Variants in TRAPPC8 observed in about 807,000 individuals in gnomAD.
TRAPPC8 encodes the protein general sporulation gene 1 homolog.
TRAPPC8 carries 54 observed loss-of-function variants against 174.3 expected under a neutral mutation model. The observed-to-expected ratio is 0.31, with a 90% CI of 0.25 to 0.39. The LOEUF (loss-of-function observed/expected upper bound fraction) is 0.39. Among genes scored for constraint, TRAPPC8 ranks in the 10% least tolerant of loss-of-function variants. TRAPPC8 has a pLI of 1.00. For missense variants in TRAPPC8, 1,531 were observed against 1,699.1 expected, an observed-to-expected ratio of 0.90 and a Z score of 1.74; for synonymous variants, 630 against 579.9, an observed-to-expected ratio of 1.09 and a Z score of -1.24.
chr18:31,873,550 A>G lies in TRAPPC8; in HGVS notation c.1954-12T>C, dbSNP rs139744319. ...AGCTGACTTACATTCTGAGAGAAAT[A>G]TAAAAGGGAAAAAAAGTAGTTTTTG... On this transcript the variant is annotated splice_polypyrimidine_tract_variant and intron_variant, in intron 13 of 28. Transcript: ENST00000283351. 277 of 1,587,290 alleles carry G rather than the reference A, an allele frequency of 1.7e-4. No homozygotes were observed. In the African/African-American group the frequency reaches 3.5e-3, roughly 20 times the overall value.
intron 16 of TRAPPC8, 64 bp downstream of exon 16, chr18:31,870,308 T>C: frequency 1.4e-6 from 2 of 1,456,822 alleles, no homozygotes; most frequent in African/African-American, 2.8e-5. Flanking sequence ...TACATTGAAA[T>C]GTTACTACAG....
intron 12 of TRAPPC8, among the ~76,000 whole-genome samples, chr18:31,888,009 A>T (rs2035797252): frequency 6.6e-6 from 1 of 152,186 alleles, no homozygotes; most frequent in Non-Finnish European, 1.5e-5. Context: ...AAATCTCAGG[A>T]TACAAAATCA....
intron 26 of TRAPPC8, among the ~76,000 whole-genome samples, chr18:31,841,042 A>T (rs994314535): frequency 6.6e-6 from 1 of 152,212 alleles, no homozygotes; most frequent in Non-Finnish European, 1.5e-5. Context: ...CAAAATATGT[A>T]AAAAGCAAAA....
intron 27 of TRAPPC8, among the ~76,000 whole-genome samples, chr18:31,834,177 T>G (rs2032570772): frequency 6.6e-6 from 1 of 151,976 alleles, no homozygotes; most frequent in Non-Finnish European, 1.5e-5. Flanking sequence ...TGGCACGATC[T>G]TGGCTCACTG....
At chr18:31,938,751 C>T (rs1489090208) in intron 1 of TRAPPC8, among the ~76,000 whole-genome samples, 1 of 152,096 alleles carries the variant, frequency 6.6e-6, no homozygotes, top group Non-Finnish European at 1.5e-5. Context: ...TCTTAAATTA[C>T]ATTGCCTGAA....
intron 1 of TRAPPC8, among the ~76,000 whole-genome samples, chr18:31,941,341 G>T (rs1331966777): frequency 6.6e-6 from 1 of 152,186 alleles, no homozygotes; most frequent in African/African-American, 2.4e-5. Flanking sequence ...TACTCAGAAG[G>T]CTGAGGCAGG....
intron 12 of TRAPPC8, among the ~76,000 whole-genome samples, chr18:31,882,253 C>T (rs541904843): frequency 6.6e-6 from 1 of 152,242 alleles, no homozygotes. Flanking sequence ...TACATACACA[C>T]CATGGAATAT....
Position 31,908,780 on chromosome 18 carries a change from T to C in TRAPPC8, c.1096A>G (p.Lys366Glu). The stretch of plus-strand genomic sequence containing the variant: ...TGATCGTTTAATTGCCTAATTGTTT[T>C]CTCTATATGTGGCAAAAGGCCCCGA... ...TFRGLLPHIE[K>E]TIRQLNDQLI... Residue 366 changes from lysine to glutamate, a missense_variant, in exon 7 of 29, where the codon AAA (lysine) becomes GAA (glutamate). Physicochemically the swap from Lys to Glu is moderately conservative, Grantham distance 56. Coordinates refer to ENST00000283351, the MANE Select transcript of TRAPPC8 (RefSeq NM_014939.5). 6.2e-7 allele frequency: 1 copy of C among 1,604,954 alleles called. No homozygotes were observed. The highest frequency in any genetic ancestry group is 8.5e-7 in the Non-Finnish European group (1 of 1,174,224).
chr18:31,867,320 A>C lies in TRAPPC8; in HGVS notation c.2463+82T>G. ...TCTTAAGAAAACTAGAATATAAAAT[A>C]AACTGAATAAAGATTATTTAAAAAT... On this transcript the variant is annotated intron_variant, in intron 17 of 28. Coordinates refer to ENST00000283351, the MANE Select transcript of TRAPPC8 (RefSeq NM_014939.5). 3 of 1,000,330 alleles carry C rather than the reference A, an allele frequency of 3.0e-6. No individual in the cohort carries two copies. The South Asian group carries it at 4.5e-5, about 15-fold the overall frequency. The allele number at this position is 1,000,330 out of a possible 1,614,324, so 62.0% of individuals were successfully genotyped here. A position where few individuals can be genotyped will look rare whatever the true frequency, so the allele number is the denominator to read the frequency against.
At chr18:31,868,337 G>A (rs2034684234) in intron 16 of TRAPPC8, among the ~76,000 whole-genome samples, 1 of 152,100 alleles carries the variant, frequency 6.6e-6, no homozygotes, top group South Asian at 2.1e-4. Context: ...TCTTAGTCAT[G>A]AAAAAATCCA....
At position 31,942,747 on chromosome 18, in the gene TRAPPC8, T is replaced by C. The variant is rs775065074; in HGVS notation, c.18A>G (p.Gln6=). ...AGTCCGGGATTAGCTCCTGCACTGA[T>C]TGTACACACTGGGCCATCGCCGCAG... MAQCV[Q]SVQELIPDSF... is the part of the protein sequence containing the mutation. Residue 6 remains glutamine, a synonymous_variant, in exon 1 of 29, where the codon CAA becomes CAG. Coordinates refer to ENST00000283351, the MANE Select transcript of TRAPPC8 (RefSeq NM_014939.5). 6 of 1,552,164 alleles carry C rather than the reference T, an allele frequency of 3.9e-6. No individual in the cohort carries two copies. Among genetic ancestry groups the C allele is most frequent in the African/African-American group, 1.4e-5 (1 of 71,426 alleles).
intron 14 of TRAPPC8, among the ~76,000 whole-genome samples, chr18:31,873,007 C>CTTTTTTTTT (rs59209328): frequency 2.1e-4 from 16 of 74,600 alleles, no homozygotes; most frequent in African/African-American, 8.9e-4. Context: ...ATTCATTTTC[C>CTTTTTTTTT]TTTTTTTTTT....
chr18:31,907,198 G>A (rs1333231522), intron 9 of TRAPPC8, among the ~76,000 whole-genome samples: 4 of 151,892 alleles, frequency 2.6e-5, no homozygotes, highest in Non-Finnish European at 4.4e-5. Flanking sequence ...GCTCAGGCTG[G>A]TCTCAAACGC....
intron 12 of TRAPPC8, among the ~76,000 whole-genome samples, chr18:31,877,986 T>C (rs969361759): frequency 3.3e-5 from 5 of 150,190 alleles, no homozygotes; most frequent in Non-Finnish European, 5.9e-5. Flanking sequence ...CAAGGCCCAA[T>C]TCCCCCTCCC....
chr18:31,873,362 T>C (rs2034982462), intron 14 of TRAPPC8, 68 bp downstream of exon 14: 1 of 1,293,964 alleles, frequency 7.7e-7, no homozygotes, highest in South Asian at 1.3e-5. Context: ...GTTTTTTAAA[T>C]GGAGAAAGGA....
intron 11 of TRAPPC8, among the ~76,000 whole-genome samples, chr18:31,897,562 T>C (rs1458266428): frequency 1.3e-5 from 2 of 152,186 alleles, no homozygotes; most frequent in Non-Finnish European, 2.9e-5. Context: ...TGTCTGTAGT[T>C]AATAATGAAA....
chr18:31,907,319 T>A, intron 9 of TRAPPC8, 141 bp downstream of exon 9: 1 of 748,932 alleles, frequency 1.3e-6, no homozygotes, highest in Non-Finnish European at 1.9e-6. Flanking sequence ...CAACTCAGCA[T>A]TAAGGAATTA....
intron 12 of TRAPPC8, among the ~76,000 whole-genome samples, chr18:31,887,909 T>A (rs1433254492): frequency 2.0e-5 from 3 of 152,086 alleles, no homozygotes; most frequent in Non-Finnish European, 4.4e-5. Flanking sequence ...GAAGTCAAAT[T>A]GTCTTTGTCT....
chr18:31,845,678 CTT>C (rs2033362151), intron 26 of TRAPPC8, among the ~76,000 whole-genome samples: 1 of 151,920 alleles, frequency 6.6e-6, no homozygotes, highest in Non-Finnish European at 1.5e-5. Flanking sequence ...ATAAGGGAGT[CTT>C]TTACACTATT....
Sources: allele counts gnomAD v4.1 joint callset (sites outside exome capture counted in the v4.1 genomes callset), GRCh38; gene constraint gnomAD v4.1.1; transcripts MANE v1.5; gene names NCBI Gene and HGNC (gene_info 2026-07-23, HGNC 2026-07-21).